ASAH1: variants seen among roughly 807,000 people sequenced by gnomAD.
The protein encoded by ASAH1 is N-acylsphingosine amidohydrolase 1.
A neutral mutation model predicts 59.5 loss-of-function variants in ASAH1; 70 were observed. The ratio of observed to expected loss-of-function variants is 1.18; its 90% confidence interval spans 0.97 to 1.43. ASAH1 has a LOEUF of 1.43. Ranked by LOEUF, ASAH1 falls within the 40% of genes most tolerant of loss-of-function variation. ASAH1 has a pLI of 0.00. For missense variants in ASAH1, 660 were observed against 482.5 expected (o/e 1.37, Z -3.45); for synonymous variants, 213 against 166.5 (o/e 1.28, Z -2.15).
chr8:18,060,218 C>G (rs907351590), intron 10 of ASAH1: 3 of 161,400 alleles, frequency 1.9e-5, no homozygotes, highest in African/African-American at 7.2e-5. Flanking sequence ...TCTCGAACTC[C>G]TTGGCACAAG....
At position 18,057,695 on chromosome 8, in the gene ASAH1, T is replaced by C. The variant is rs1402959619; in HGVS notation, c.1099-72A>G. ...ATGTTCTGATATATATTAGCATTTCTATACTTGTAGAATTTGCTTTAGAAG... is the reference window on the plus strand; with the variant it reads ...ATGTTCTGATATATATTAGCATTTCCATACTTGTAGAATTTGCTTTAGAAG... On this transcript the variant is annotated intron_variant, in intron 13 of 13. Transcript: ENST00000637790. 6.7e-6 allele frequency: 7 copies of C among 1,045,184 alleles called. No individual in the cohort carries two copies. The Admixed American group carries it at 1.5e-4, about 22-fold the overall frequency. The allele number at this position is 1,045,184 out of a possible 1,614,324, so 64.7% of individuals were successfully genotyped here.
At chr8:18,084,171 C>G, upstream of ASAH1, 1 of 1,548,540 alleles carries the variant, frequency 6.5e-7, no homozygotes, top group Non-Finnish European at 8.7e-7. Context: ...TGGGACCGCA[C>G]CATTCCAGGC....
chr8:18,084,246 A>C, upstream of ASAH1: 2 of 1,465,490 alleles, frequency 1.4e-6, no homozygotes, highest in Non-Finnish European at 1.8e-6. Flanking sequence ...AGTGCCACGA[A>C]AAGGGTGGCG....
chr8:18,072,954 G>C (rs549884055), intron 2 of ASAH1, among the ~76,000 whole-genome samples: 2 of 152,150 alleles, frequency 1.3e-5, no homozygotes, highest in Non-Finnish European at 2.9e-5. Context: ...TTCTTTTTCA[G>C]CCTAGAGTCC....
At chr8:18,070,848 T>G (rs1265311178) in intron 3 of ASAH1, among the ~76,000 whole-genome samples, 2 of 152,140 alleles carry the variant, frequency 1.3e-5, no homozygotes, top group Non-Finnish European at 2.9e-5. Context: ...TAATATTTAA[T>G]AAAGTTAGAA....
Position 18,071,309 on chromosome 8 carries a change from C to G in ASAH1, c.207G>C (p.Lys69Asn), listed in dbSNP as rs1156494518. Residue 69 changes from lysine (K) to asparagine (N), a missense_variant, in exon 3 of 14, where the codon AAG becomes AAC. Coordinates refer to ENST00000637790, the MANE Select transcript of ASAH1 (RefSeq NM_177924.5). Reference protein sequence around the residue: ...YKRWHELMLDKAPVLKVIVNS... With the variant: ...YKRWHELMLDNAPVLKVIVNS... Reference sequence around the variant, plus strand: ...AAGCATCATAGCATACCACTGGTGCCTTGTCAAGCATCAATTCATGCCATC... The same window carrying G: ...AAGCATCATAGCATACCACTGGTGCGTTGTCAAGCATCAATTCATGCCATC... 2 of 1,583,724 alleles carry G rather than the reference C, an allele frequency of 1.3e-6. No homozygotes were observed. Among genetic ancestry groups the G allele is most frequent in the Non-Finnish European group, 8.7e-7 (1 of 1,155,764 alleles).
intron 13 of ASAH1, chr8:18,058,140 A>T (rs1269899523): frequency 2.6e-5 from 4 of 153,418 alleles, no homozygotes; most frequent in Admixed American, 2.0e-4. Context: ...CGAGATTGTG[A>T]CTTGCTCAAA....
intron 4 of ASAH1, chr8:18,068,283 A>T (rs1160971926): frequency 1.3e-5 from 2 of 152,212 alleles, no homozygotes; most frequent in East Asian, 3.8e-4. Context: ...GTATTGTCCG[A>T]TTCCAAGGCG....
rs746099625 is a variant in ASAH1, at chr8:18,056,157, C to T, written c.*1377G>A. The T allele has an allele frequency of 2.6e-5, 4 of 151,978 alleles. No homozygotes were observed. The highest frequency in any genetic ancestry group is 1.9e-4 in the East Asian group (1 of 5,190). 9.4% of individuals were successfully genotyped at this position (151,978 alleles called of 1,614,324 possible). A position where few individuals can be genotyped will look rare whatever the true frequency, so the allele number is the denominator to read the frequency against. On this transcript the variant is annotated 3_prime_UTR_variant, in exon 14 of 14. Coordinates refer to ENST00000637790, the MANE Select transcript of ASAH1 (RefSeq NM_177924.5). ...TAATGTAAATCCTCTTATAATTCCT[C>T]GTTTCACTAAAGTAATCTTGGAATC...
At chr8:18,076,359 T>C (rs965294454) in intron 1 of ASAH1, 4 of 152,464 alleles carry the variant, frequency 2.6e-5, no homozygotes, top group African/African-American at 9.7e-5. Flanking sequence ...TCCTTGTCAA[T>C]ACCAGACTCT....
intron 2 of ASAH1, chr8:18,073,403 T>C (rs536235357): frequency 1.0e-6 from 1 of 994,662 alleles, no homozygotes; most frequent in South Asian, 1.5e-5. Context: ...TTTTGAGACT[T>C]AGTGTTTGCA....
intron 6 of ASAH1, chr8:18,064,179 G>T (rs937153358): frequency 1.8e-6 from 1 of 567,932 alleles, no homozygotes; most frequent in Non-Finnish European, 3.1e-6. Context: ...TAGATGGGTA[G>T]AAGTAAACTA....
chr8:18,082,818 G>C (rs1383620334), intron 1 of ASAH1, among the ~76,000 whole-genome samples: 2 of 152,108 alleles, frequency 1.3e-5, no homozygotes, highest in Non-Finnish European at 2.9e-5. Context: ...GAAGGGCCCT[G>C]ACAGTATCAA....
chr8:18,077,822 G>A (rs2117086093), intron 1 of ASAH1, among the ~76,000 whole-genome samples: 1 of 152,254 alleles, frequency 6.6e-6, no homozygotes, highest in Middle Eastern at 3.4e-3. Flanking sequence ...TGTAAAATTT[G>A]TAAATAAGTT....
chr8:18,075,063 T>G (rs944428665), intron 2 of ASAH1, among the ~76,000 whole-genome samples: 2 of 146,998 alleles, frequency 1.4e-5, no homozygotes, highest in Non-Finnish European at 3.0e-5. Flanking sequence ...TGGTGCGATC[T>G]CGGCTCACTG....
chr8:18,062,363 A>G lies in ASAH1; in HGVS notation c.564T>C (p.Asn188=), dbSNP rs774882799. 7 of 1,614,218 alleles carry G rather than the reference A, an allele frequency of 4.3e-6. No individual in the cohort carries two copies. Among genetic ancestry groups the G allele is most frequent in the Admixed American group, 1.7e-5 (1 of 60,026 alleles). Residue 188 remains asparagine (N), a synonymous_variant, in exon 8 of 14, where the codon AAT becomes AAC. Coordinates refer to ENST00000637790, the MANE Select transcript of ASAH1 (RefSeq NM_177924.5). The part of the protein sequence containing the change: ...ITEQLKPLTV[N]LDFQRNNKTV... ...TTTTGTTGTTTCTTTGGAAATCCAA[A>G]TTCACTGTTAAAGGTTTTAGTTGCT...
intron 1 of ASAH1, among the ~76,000 whole-genome samples, chr8:18,079,326 TG>T (rs1245331077): frequency 6.6e-6 from 1 of 151,744 alleles, no homozygotes; most frequent in African/African-American, 2.4e-5. Context: ...AAAGACTGTT[TG>T]GGTCAGAAAA....
At chr8:18,070,543 C>G (rs61236260) in intron 3 of ASAH1, among the ~76,000 whole-genome samples, 1 of 151,700 alleles carries the variant, frequency 6.6e-6, no homozygotes, top group Admixed American at 6.6e-5. Context: ...CTCAGCCTCC[C>G]AAAGTACTGG....
At chr8:18,066,245 C>T (rs551143942) in intron 5 of ASAH1, 1 of 151,746 alleles carries the variant, frequency 6.6e-6, no homozygotes, top group East Asian at 1.9e-4. Flanking sequence ...AATTTCTGTT[C>T]ATCAAAAGAC....
Sources: gnomAD v4.1 joint callset for allele counts (sites outside exome capture counted in the v4.1 genomes callset) on GRCh38, gnomAD v4.1.1 for gene constraint, MANE v1.5 for transcripts, NCBI Gene and HGNC (gene_info 2026-07-23, HGNC 2026-07-21) for gene names.